NCOA6: variants seen among roughly 807,000 people sequenced by gnomAD.
The protein encoded by NCOA6 is nuclear receptor coactivator 6.
NCOA6 carries 49 observed loss-of-function variants against 171.4 expected under a neutral mutation model. That is an observed-to-expected ratio of 0.29 (90% CI 0.23 to 0.36). The LOEUF is 0.36. Among genes scored for constraint, NCOA6 ranks in the 10% least tolerant of loss-of-function variants. NCOA6 has a pLI of 1.00. For missense variants in NCOA6, 2,248 were observed against 2,554.5 expected, an observed-to-expected ratio of 0.88 and a Z score of 2.59; for synonymous variants, 910 against 927.5, an observed-to-expected ratio of 0.98 and a Z score of 0.34.
chr20:34,727,092 A>C (rs1990043601), intron 14 of NCOA6, among the ~76,000 whole-genome samples, 167 bp downstream of exon 14: 2 of 152,268 alleles, frequency 1.3e-5, no homozygotes, highest in Non-Finnish European at 2.9e-5. Flanking sequence ...GAAAACATAC[A>C]GTTAAATGAA....
chr20:34,775,026 T>G (rs913737806), intron 4 of NCOA6, among the ~76,000 whole-genome samples: 5 of 152,198 alleles, frequency 3.3e-5, no homozygotes, highest in African/African-American at 1.2e-4. Flanking sequence ...ACTTGAAGGC[T>G]GAGCAGGCAT....
intron 8 of NCOA6, among the ~76,000 whole-genome samples, chr20:34,753,445 A>C (rs1164062634): frequency 6.6e-6 from 1 of 151,820 alleles, no homozygotes; most frequent in African/African-American, 2.4e-5. Context: ...GTGGATCATG[A>C]GGTCAGGAGT....
chr20:34,802,700 AAAC>A (rs1271847267), intron 1 of NCOA6, among the ~76,000 whole-genome samples: 1 of 152,252 alleles, frequency 6.6e-6, no homozygotes, highest in Non-Finnish European at 1.5e-5. Flanking sequence ...GAACTGTTCG[AAAC>A]AACTAAGCAA....
At chr20:34,812,820 AC>A (rs2078710982) in intron 1 of NCOA6, among the ~76,000 whole-genome samples, 1 of 151,992 alleles carries the variant, frequency 6.6e-6, no homozygotes, top group Admixed American at 6.5e-5. Flanking sequence ...GTTTGAGACC[AC>A]CCTGGGCAAC....
intron 14 of NCOA6, among the ~76,000 whole-genome samples, chr20:34,716,215 CAAAAAAA>C (rs34030662): frequency 1.4e-5 from 1 of 73,810 alleles, no homozygotes; most frequent in African/African-American, 5.5e-5. Flanking sequence ...GACTCCGTCT[CAAAAAAA>C]AAAAAAAAAA....
chr20:34,778,827 C>T (rs1003124316), intron 3 of NCOA6, among the ~76,000 whole-genome samples: 1 of 151,692 alleles, frequency 6.6e-6, no homozygotes, highest in Non-Finnish European at 1.5e-5. Context: ...GGTGTGGTGG[C>T]GGGCGCCTGT....
chr20:34,779,798 T>C (rs1439488183), intron 3 of NCOA6, among the ~76,000 whole-genome samples: 1 of 152,006 alleles, frequency 6.6e-6, no homozygotes, highest in African/African-American at 2.4e-5. Flanking sequence ...CATTGAATGT[T>C]AACTTTTCCA....
chr20:34,719,843 G>A (rs1989098748), intron 14 of NCOA6, among the ~76,000 whole-genome samples: 1 of 152,106 alleles, frequency 6.6e-6, no homozygotes, highest in Non-Finnish European at 1.5e-5. Context: ...AGTTTCAGGT[G>A]GTTACTCTTC....
intron 1 of NCOA6, among the ~76,000 whole-genome samples, chr20:34,799,205 A>T (rs2078177027): frequency 6.6e-6 from 1 of 152,208 alleles, no homozygotes; most frequent in Non-Finnish European, 1.5e-5. Context: ...GACATACTAA[A>T]GAATGCATCA....
intron 11 of NCOA6, chr20:34,738,891 T>A (rs1168708495): frequency 2.2e-6 from 1 of 456,096 alleles, no homozygotes; most frequent in Non-Finnish European, 4.4e-6. Flanking sequence ...CCTCTCCTCC[T>A]GGGTGCTTAC....
At chr20:34,787,867 ATTTT>A (rs754273371) in intron 2 of NCOA6, among the ~76,000 whole-genome samples, 2 of 142,202 alleles carry the variant, frequency 1.4e-5, no homozygotes. Context: ...TTTATACCTA[ATTTT>A]TTTTTTTTTT....
chr20:34,744,256 A>G (rs1204613866), intron 10 of NCOA6, among the ~76,000 whole-genome samples: 2 of 152,252 alleles, frequency 1.3e-5, no homozygotes, highest in African/African-American at 4.8e-5. Context: ...AATGTCTTCT[A>G]GATATGCAGA....
At chr20:34,799,640 A>G (rs894201368) in intron 1 of NCOA6, among the ~76,000 whole-genome samples, 1 of 152,196 alleles carries the variant, frequency 6.6e-6, no homozygotes, top group Non-Finnish European at 1.5e-5. Context: ...ACTCCAATAC[A>G]TCTGGCAGCA....
At position 34,740,659 on chromosome 20, in the gene NCOA6, C is replaced by T. The variant is rs762509690; in HGVS notation, c.5597G>A (p.Gly1866Glu). The T allele has an allele frequency of 6.2e-7, 1 of 1,614,060 alleles. No individual in the cohort carries two copies. The highest frequency in any genetic ancestry group is 1.7e-5 in the Admixed American group (1 of 60,010). ...GLDTTAPGLM[G>E]TEQLSTELDS... ...CAGCTCTGTGGATAACTGCTCTGTT[C>T]CCATGAGCCCCGGAGCTGTGGTGTC... The change falls in exon 11 of 15, where the codon GGA becomes GAA. Residue 1866 changes from glycine to glutamate, a missense_variant. Gly to Glu is a moderately conservative substitution (Grantham distance 98). Around this residue, in one of 7 missense-constraint regions of NCOA6, gnomAD observed 884 missense variants for 941.9 expected, o/e 0.94. Coordinates refer to ENST00000359003, the MANE Select transcript of NCOA6 (RefSeq NM_014071.5).
intron 5 of NCOA6, 120 bp from the exon 6 acceptor site, chr20:34,759,053 C>A: frequency 9.4e-7 from 1 of 1,067,434 alleles, no homozygotes; most frequent in Non-Finnish European, 1.3e-6. Flanking sequence ...GACAGGGTCT[C>A]GCTCTGTTGC....
At chr20:34,768,664 C>T in intron 4 of NCOA6, 78 bp from the exon 5 acceptor site, 2 of 1,502,856 alleles carry the variant, frequency 1.3e-6, no homozygotes, top group Non-Finnish European at 1.8e-6. Flanking sequence ...TATATAAGTG[C>T]TTTAGTTTTC....
intron 2 of NCOA6, among the ~76,000 whole-genome samples, chr20:34,783,294 G>C (rs1048622667): frequency 5.9e-5 from 9 of 151,938 alleles, no homozygotes; most frequent in Non-Finnish European, 8.8e-5. Flanking sequence ...AAAAAAAAGG[G>C]GGTTGATATG....
intron 4 of NCOA6, among the ~76,000 whole-genome samples, chr20:34,773,768 C>T (rs1175466330): frequency 5.3e-5 from 8 of 152,242 alleles, no homozygotes; most frequent in Non-Finnish European, 1.0e-4. Context: ...AAGTGATCCA[C>T]CCACCTTGGC....
intron 14 of NCOA6, among the ~76,000 whole-genome samples, chr20:34,715,992 G>A (rs1467086221): frequency 3.9e-5 from 6 of 152,022 alleles, no homozygotes; most frequent in Admixed American, 2.6e-4. Context: ...CGAGGTGGGC[G>A]GATTGCCTGA....
Sources: gnomAD v4.1 joint callset for allele counts (sites outside exome capture counted in the v4.1 genomes callset) on GRCh38, gnomAD v4.1.1 for gene constraint, gnomAD v4.1.1 regional missense constraint, MANE v1.5 for transcripts, NCBI Gene and HGNC (gene_info 2026-07-23, HGNC 2026-07-21) for gene names.